The following MIER3 variants were observed in gnomAD, a reference collection of about 807,000 sequenced individuals.
MIER3 encodes MIER family member 3, also known as mesoderm induction early response protein 3.
In MIER3, 9 loss-of-function variants were observed where a neutral mutation model predicts 63.2. The observed-to-expected ratio is 0.14, with a 90% confidence interval of 0.09 to 0.25. The LOEUF (loss-of-function observed/expected upper bound fraction) is 0.25, where lower values mean the gene tolerates loss of function less well. MIER3 is among the 10% of genes least tolerant of loss of function. The probability of loss-of-function intolerance (pLI) is 1.00; values close to 1 mark genes in which losing one functional copy is unlikely to be tolerated. For synonymous variants in MIER3, 205 were observed against 224.9 expected (o/e 0.91, Z 0.79); for missense variants, 512 against 666.2 (o/e 0.77, Z 2.55).
In MIER3 at chr5:56,937,580, C is replaced by A; in HGVS notation, c.434G>T (p.Arg145Leu). The A allele has an allele frequency of 6.2e-7, 1 of 1,601,988 alleles. No homozygotes were observed. The highest frequency in any genetic ancestry group is 1.7e-4 in the Middle Eastern group (1 of 6,040). Residue 145 changes from arginine to leucine, a missense_variant and splice_region_variant, in exon 5 of 13, where the codon CGA (arginine) becomes CTA (leucine). By Grantham distance (102) the Arg-to-Leu change is moderately radical (BLOSUM62 -2). This residue lies in a region of MIER3 where 44 missense variants were observed against 87.6 expected (regional missense o/e 0.50). Transcript: ENST00000381199. ...ETSDFFPRPL[R>L]SNTACDGDKE... ...CAGTAATCCACTGGGTTTCTTACAT[C>A]GTAAAGGCCTAGGGAAGAAATCAGA...
chr5:56,923,616 G>C lies in MIER3; in HGVS notation c.1196-31C>G, dbSNP rs781651261. The C allele has an allele frequency of 3.4e-5, 54 of 1,611,404 alleles. No homozygotes were observed. In the Admixed American group the frequency reaches 8.9e-4, roughly 26 times the overall value. ...AAGGAATGGAAAATTGTTTAAGTAA[G>C]TGGTCCTATGACATCAAACAGAGGA... On this transcript the variant is annotated intron_variant, in intron 12 of 12. Coordinates refer to ENST00000381199, the MANE Select transcript of MIER3 (RefSeq NM_001297599.2).
chr5:56,947,472 G>T (rs1456694765), intron 2 of MIER3, among the ~76,000 whole-genome samples: 1 of 152,056 alleles, frequency 6.6e-6, no homozygotes, highest in Non-Finnish European at 1.5e-5. Flanking sequence ...GATTTCACAA[G>T]AATCGACTAT....
chr5:56,919,801 A>C lies in MIER3; in HGVS notation c.*3327T>G, dbSNP rs972998132. Reference sequence around the variant, plus strand: ...TCATACTCACAGGGTACTTATTTCAAACTGGGACAATTGGAATCACTGGTC... The same window carrying C: ...TCATACTCACAGGGTACTTATTTCACACTGGGACAATTGGAATCACTGGTC... On this transcript the variant is annotated 3_prime_UTR_variant, in exon 13 of 13. Coordinates refer to ENST00000381199, the MANE Select transcript of MIER3 (RefSeq NM_001297599.2). 1.3e-4 allele frequency: 20 copies of C among 152,746 alleles called. No homozygotes were observed. Among genetic ancestry groups the C allele is most frequent in the African/African-American group, 4.8e-4 (20 of 41,566 alleles). The allele number at this position is 152,746 out of a possible 1,614,324, so 9.5% of individuals were successfully genotyped here.
At chr5:56,941,883 G>C (rs987787460) in intron 3 of MIER3, among the ~76,000 whole-genome samples, 1 of 152,154 alleles carries the variant, frequency 6.6e-6, no homozygotes, top group Non-Finnish European at 1.5e-5. Flanking sequence ...CATATTCTGA[G>C]GTGGAACCAA....
At chr5:56,927,268 T>C (rs891866947) in intron 10 of MIER3, among the ~76,000 whole-genome samples, 16 of 152,018 alleles carry the variant, frequency 1.1e-4, no homozygotes, top group African/African-American at 3.6e-4. Flanking sequence ...AATGTATCAA[T>C]ATTGGCTCAT....
chr5:56,928,989 T>TCACACACACACACACA (rs1161950983), intron 9 of MIER3, 128 bp from the exon 10 acceptor site: 4 of 469,038 alleles, frequency 8.5e-6, no homozygotes, highest in Admixed American at 7.9e-5. Flanking sequence ...ACACTCTCTC[T>TCACACACACACACACA]CTCACACACA....
At position 56,922,246 on chromosome 5, in the gene MIER3, A is replaced by G. The variant is rs1749705727; in HGVS notation, c.*882T>C. ...TGTGCCTCTGCAAGTCGACTGCCTC[A>G]GGATAAACTAAATTATCAATGACTG... On this transcript the variant is annotated 3_prime_UTR_variant, in exon 13 of 13. Coordinates refer to ENST00000381199, the MANE Select transcript of MIER3 (RefSeq NM_001297599.2). 1 of 152,606 alleles carries G rather than the reference A, an allele frequency of 6.6e-6. No individual in the cohort carries two copies. Among genetic ancestry groups the G allele is most frequent in the Admixed American group, 6.5e-5 (1 of 15,284 alleles). The allele number at this position is 152,606 out of a possible 1,614,324, so 9.5% of individuals were successfully genotyped here. A position where few individuals can be genotyped will look rare whatever the true frequency, so the allele number is the denominator to read the frequency against.
intron 5 of MIER3, among the ~76,000 whole-genome samples, chr5:56,936,022 T>G (rs1750431569): frequency 6.6e-6 from 1 of 151,452 alleles, no homozygotes; most frequent in African/African-American, 2.4e-5. Flanking sequence ...AGGTCAGGAG[T>G]TTAAGACCAG....
intron 4 of MIER3, among the ~76,000 whole-genome samples, chr5:56,937,909 ACC>A (rs1459476754): frequency 1.3e-5 from 2 of 151,350 alleles, no homozygotes; most frequent in African/African-American, 4.8e-5. Context: ...AATCAGTGCA[ACC>A]ATATACTAAA....
intron 4 of MIER3, chr5:56,938,330 G>T: frequency 2.1e-6 from 1 of 471,186 alleles, no homozygotes; most frequent in Non-Finnish European, 4.4e-6. Context: ...TCCTCTCCCT[G>T]CCTGAGATCT....
chr5:56,936,074 G>A (rs1208701522), intron 5 of MIER3, among the ~76,000 whole-genome samples: 6 of 152,026 alleles, frequency 3.9e-5, no homozygotes, highest in Non-Finnish European at 7.4e-5. Flanking sequence ...AAAATTAGCC[G>A]GGCGTGGTGG....
In MIER3 at chr5:56,920,829, A is replaced by G. The variant is rs959682553; in HGVS notation, c.*2299T>C. On this transcript the variant is annotated 3_prime_UTR_variant, in exon 13 of 13. Transcript: ENST00000381199. ...TTACACTTATATACAAAAATCTTGC[A>G]AATTATTGCCTCATTTTAACAAGGA... 2.6e-5 allele frequency: 4 copies of G among 152,528 alleles called. No individual in the cohort carries two copies. The highest frequency in any genetic ancestry group is 5.9e-5 in the Non-Finnish European group (4 of 67,946). The allele number at this position is 152,528 out of a possible 1,614,324, so 9.4% of individuals were successfully genotyped here. A position where few individuals can be genotyped will look rare whatever the true frequency, so the allele number is the denominator to read the frequency against.
intron 4 of MIER3, chr5:56,938,341 G>A (rs1161303637): frequency 8.5e-6 from 4 of 471,028 alleles, no homozygotes; most frequent in Non-Finnish European, 1.8e-5. Flanking sequence ...CCTGAGATCT[G>A]AAAGGCAAGG....
In MIER3 at chr5:56,921,185, T is replaced by C. The variant is rs1749654521; in HGVS notation, c.*1943A>G. The C allele has an allele frequency of 6.6e-6, 1 of 152,578 alleles. No individual in the cohort carries two copies. Among genetic ancestry groups the C allele is most frequent in the South Asian group, 2.1e-4 (1 of 4,838 alleles). 9.5% of individuals were successfully genotyped at this position (152,578 alleles called of 1,614,324 possible). ...CAGTCATCTTTGTGTAAATTATTTATACAGACCAGCCACTGTAAACCCAGA... is the reference window on the plus strand; with the variant it reads ...CAGTCATCTTTGTGTAAATTATTTACACAGACCAGCCACTGTAAACCCAGA... On this transcript the variant is annotated 3_prime_UTR_variant, in exon 13 of 13. Transcript: ENST00000381199.
At chr5:56,952,194 T>TCCGCCCGGCAC (rs1224868771), upstream of MIER3, 5 of 1,061,006 alleles carry the variant, frequency 4.7e-6, no homozygotes, top group African/African-American at 1.7e-5. Context: ...ACCGCCGCGG[T>TCCGCCCGGCAC]CCGCCCGGCA....
chr5:56,946,957 T>C lies in MIER3; in HGVS notation c.149A>G (p.Asn50Ser), dbSNP rs1750846584. 2 of 1,602,114 alleles carry C rather than the reference T, an allele frequency of 1.2e-6. No homozygotes were observed. The highest frequency in any genetic ancestry group is 8.5e-7 in the Non-Finnish European group (1 of 1,175,610). Residue 50 changes from asparagine to serine, a missense_variant, in exon 3 of 13, where the codon AAC becomes AGC. This residue lies in a region of MIER3 where 98 missense variants were observed against 107.4 expected (regional missense o/e 0.91). Transcript: ENST00000381199. ...TAAGTCTTCAATTTCTGAACTGAAG[T>C]TTTTACCCTCATCCATCATTTCCTC... ...EEEEMMDEGK[N>S]FSSEIEDLEK...
At position 56,923,496 on chromosome 5, in the gene MIER3, C is replaced by T. The variant is rs1749784634; in HGVS notation, c.1285G>A (p.Gly429Arg). 2.5e-6 allele frequency: 4 copies of T among 1,614,020 alleles called. No homozygotes were observed. The highest frequency in any genetic ancestry group is 3.4e-6 in the Non-Finnish European group (4 of 1,180,030). Residue 429 changes from glycine (G) to arginine (R), a missense_variant, in exon 13 of 13, where the codon GGA becomes AGA. Physicochemically the swap from Gly to Arg is moderately radical, Grantham distance 125 (BLOSUM62 -2). This residue lies in a region of MIER3 where 218 missense variants were observed against 251.2 expected (regional missense o/e 0.87). Transcript: ENST00000381199. ...SFPPLGNTPR[G>R]QVNHVPVVTE... The stretch of plus-strand genomic sequence containing the variant: ...ACAACAGGCACATGATTAACTTGTC[C>T]ACGGGGTGTGTTGCCCAGTGGAGGA...
chr5:56,951,423 C>G (rs889213657), intron 1 of MIER3, among the ~76,000 whole-genome samples: 3 of 152,108 alleles, frequency 2.0e-5, no homozygotes, highest in Non-Finnish European at 4.4e-5. Flanking sequence ...CCAGAGAAAA[C>G]TGGAGCTATC....
Position 56,937,616 on chromosome 5 carries a change from G to A in MIER3, c.398C>T (p.Ser133Phe). 6.2e-7 allele frequency: 1 copy of A among 1,611,284 alleles called. No individual in the cohort carries two copies. Among genetic ancestry groups the A allele is most frequent in the East Asian group, 2.2e-5 (1 of 44,740 alleles). The change falls in exon 5 of 13, where the codon TCC becomes TTC. Residue 133 changes from serine (S) to phenylalanine (F), a missense_variant. Around this residue, in one of 5 missense-constraint regions of MIER3, gnomAD observed 44 missense variants for 87.6 expected, o/e 0.50. Coordinates refer to ENST00000381199, the MANE Select transcript of MIER3 (RefSeq NM_001297599.2). ...SADDLTPSVT[S>F]HETSDFFPRP... The stretch of plus-strand genomic sequence containing the variant: ...AGGGAAGAAATCAGAAGTTTCATGG[G>A]AAGTCACAGATGGCGTCAGATCATC...
Sources: allele counts gnomAD v4.1 joint callset (sites outside exome capture counted in the v4.1 genomes callset), GRCh38; gene constraint gnomAD v4.1.1; regional missense constraint gnomAD v4.1.1; transcripts MANE v1.5; gene names NCBI Gene and HGNC (gene_info 2026-07-23, HGNC 2026-07-21).